LGSN: variants seen among roughly 807,000 people sequenced by gnomAD.
LGSN encodes lengsin.
LGSN carries 21 observed loss-of-function variants against 19.5 expected under a neutral mutation model. The observed-to-expected ratio is 1.07, with a 90% CI of 0.76 to 1.55. The LOEUF is 1.55. Ranked by LOEUF, LGSN falls within the 40% of genes most tolerant of loss-of-function variation. The probability of loss-of-function intolerance (pLI) is 0.00; values close to 1 mark genes in which losing one functional copy is unlikely to be tolerated. For synonymous variants in LGSN, 257 were observed against 215.6 expected, an observed-to-expected ratio of 1.19 and a Z score of -1.68; for missense variants, 673 against 608.5, an observed-to-expected ratio of 1.11 and a Z score of -1.12.
the LGSN span, among the ~76,000 whole-genome samples, chr6:63,438,142 G>A: frequency 1.3e-5 from 2 of 152,138 alleles, no homozygotes; most frequent in African/African-American, 4.8e-5. Flanking sequence ...GCCAGGTGCG[G>A]TGGCTCATGC....
the LGSN span, among the ~76,000 whole-genome samples, chr6:63,406,708 A>G: frequency 6.6e-6 from 1 of 152,060 alleles, no homozygotes; most frequent in Non-Finnish European, 1.5e-5. Flanking sequence ...AGAGACACAA[A>G]AAACCCTTCA....
At chr6:63,434,272 C>G in the LGSN span, among the ~76,000 whole-genome samples, 1 of 151,530 alleles carries the variant, frequency 6.6e-6, no homozygotes, top group East Asian at 1.9e-4. Context: ...AACTCCGTCC[C>G]TACTAAAAAT....
the LGSN span, among the ~76,000 whole-genome samples, chr6:63,412,752 AAAGAAAGAAAGAAAGAAAGG>A: frequency 0.16 from 14,757 of 94,618 alleles, 1,654 homozygotes; most frequent in Admixed American, 0.21. Flanking sequence ...AGAAAGAAAG[AAAGAAAGAAAGAAAGAAAGG>A]AAGGAAGGGA....
the LGSN span, among the ~76,000 whole-genome samples, chr6:63,383,451 C>T: frequency 4.0e-5 from 6 of 151,880 alleles, no homozygotes; most frequent in East Asian, 1.2e-3. Flanking sequence ...AGCATATTCA[C>T]ACAGGGATAA....
At chr6:63,333,624 CA>C in the LGSN span, among the ~76,000 whole-genome samples, 4,339 of 94,170 alleles carry the variant, frequency 0.046, 222 homozygotes, top group African/African-American at 0.17. Flanking sequence ...GGGAGGGAGG[CA>C]AAAAAAAGAA....
At chr6:63,419,812 A>G in the LGSN span, among the ~76,000 whole-genome samples, 2 of 139,300 alleles carry the variant, frequency 1.4e-5, no homozygotes, top group African/African-American at 5.3e-5. Flanking sequence ...TACTTGAAAC[A>G]GGGGGGCAGA....
chr6:63,510,806 T>C, the LGSN span, among the ~76,000 whole-genome samples: 1 of 151,748 alleles, frequency 6.6e-6, no homozygotes, highest in Non-Finnish European at 1.5e-5. Context: ...CCTGAGTAGC[T>C]GGGACAACAG....
At chr6:63,308,986 C>T (rs1474553258) in intron 1 of LGSN, among the ~76,000 whole-genome samples, 1 of 152,120 alleles carries the variant, frequency 6.6e-6, no homozygotes, top group African/African-American at 2.4e-5. Context: ...ATTCCTACTC[C>T]TAGCAACTTG....
the LGSN span, among the ~76,000 whole-genome samples, chr6:63,417,796 C>T: frequency 6.6e-6 from 1 of 152,082 alleles, no homozygotes; most frequent in South Asian, 2.1e-4. Context: ...GTGTAAAGAC[C>T]CATCCATGTA....
In LGSN at chr6:63,284,944, C is replaced by T. The variant is rs772421377; in HGVS notation, c.330+643G>A. Among the ~76,000 whole-genome samples, 19 of 152,164 alleles carry T rather than the reference C, an allele frequency of 1.2e-4. No homozygotes were observed. The Middle Eastern group carries it at 0.01, about 82-fold the overall frequency. ...ACTTTCACACTTTCTTAAATAGTAC[C>T]GACCTGATGTCCCTTGCTAAGAAAT... is the stretch of plus-strand genomic sequence containing the variant. On this transcript the variant is annotated intron_variant, in intron 3 of 3. Transcript: ENST00000370657.
At chr6:63,518,154 C>CAA in the LGSN span, among the ~76,000 whole-genome samples, 4,684 of 62,016 alleles carry the variant, frequency 0.076, 368 homozygotes, top group African/African-American at 0.22. Flanking sequence ...ACTCCGTCTC[C>CAA]AAAAAAAAAA....
chr6:63,385,627 C>T, the LGSN span, among the ~76,000 whole-genome samples: 2 of 152,182 alleles, frequency 1.3e-5, no homozygotes, highest in African/African-American at 4.8e-5. Context: ...TTGCCTCCAA[C>T]CCGTCACAGA....
the LGSN span, among the ~76,000 whole-genome samples, chr6:63,475,363 A>G: frequency 6.6e-6 from 1 of 150,484 alleles, no homozygotes; most frequent in African/African-American, 2.4e-5. Flanking sequence ...ATTACCACCC[A>G]TAGAGACCCA....
At chr6:63,318,155 C>T (rs554209204) in intron 1 of LGSN, among the ~76,000 whole-genome samples, 1 of 152,250 alleles carries the variant, frequency 6.6e-6, no homozygotes, top group Non-Finnish European at 1.5e-5. Context: ...TAGGGGAGTA[C>T]CAAACCTAAG....
chr6:63,392,806 C>T, the LGSN span, among the ~76,000 whole-genome samples: 1 of 151,290 alleles, frequency 6.6e-6, no homozygotes, highest in Non-Finnish European at 1.5e-5. Context: ...GAAGAGCAGT[C>T]TGTAAAACCG....
the LGSN span, among the ~76,000 whole-genome samples, chr6:63,389,157 T>C: frequency 6.6e-6 from 1 of 152,130 alleles, no homozygotes; most frequent in Non-Finnish European, 1.5e-5. Flanking sequence ...GGAAACTGAA[T>C]CACAGAAAGA....
the LGSN span, among the ~76,000 whole-genome samples, chr6:63,449,117 G>C: frequency 1.6e-3 from 239 of 152,248 alleles, 2 homozygotes; most frequent in Non-Finnish European, 2.6e-3. Flanking sequence ...CAGGATTGCG[G>C]ATAGGTCCTG....
At chr6:63,510,219 T>C in the LGSN span, among the ~76,000 whole-genome samples, 1 of 152,122 alleles carries the variant, frequency 6.6e-6, no homozygotes, top group Non-Finnish European at 1.5e-5. Flanking sequence ...AAAAAAGTGG[T>C]CCAGTATATG....
the LGSN span, among the ~76,000 whole-genome samples, chr6:63,535,856 G>A: frequency 4.6e-5 from 7 of 152,116 alleles, no homozygotes; most frequent in African/African-American, 9.6e-5. Flanking sequence ...ACAGAGTCTC[G>A]CTCTTGTCAA....
Sources: allele counts gnomAD v4.1 joint callset (sites outside exome capture counted in the v4.1 genomes callset), GRCh38; gene constraint gnomAD v4.1.1; transcripts MANE v1.5; gene names NCBI Gene and HGNC (gene_info 2026-07-23, HGNC 2026-07-21).